The following CSMD3 variants were observed in gnomAD, a reference collection of about 807,000 sequenced individuals.
CSMD3 encodes the protein CUB and Sushi multiple domains 3.
Under a neutral mutation model 435.2 loss-of-function variants are expected in CSMD3, and 177 were observed. That is an observed-to-expected ratio of 0.41 (90% CI 0.36 to 0.46). The LOEUF (loss-of-function observed/expected upper bound fraction) is 0.46, where lower values mean the gene tolerates loss of function less well. Ranked by LOEUF, CSMD3 falls within the 20% of genes least tolerant of loss-of-function variation. The probability of loss-of-function intolerance (pLI) is 0.34; values close to 1 mark genes in which losing one functional copy is unlikely to be tolerated. For missense variants in CSMD3, 4,265 were observed against 4,504.6 expected (o/e 0.95, Z 1.52); for synonymous variants, 1,656 against 1,520.5 (o/e 1.09, Z -2.07).
chr8:113,222,488 A>C (rs928743916), intron 3 of CSMD3, among the ~76,000 whole-genome samples: 4 of 151,080 alleles, frequency 2.6e-5, no homozygotes, highest in Non-Finnish European at 5.9e-5. Flanking sequence ...ATAAATATAA[A>C]GAATAAGATT....
intron 1 of CSMD3, among the ~76,000 whole-genome samples, chr8:113,385,703 T>G (rs1025141974): frequency 6.6e-6 from 1 of 152,072 alleles, no homozygotes; most frequent in Admixed American, 6.6e-5. Context: ...TGGAAGAGGG[T>G]AAAATCTCCT....
chr8:112,462,696 G>A (rs1190533791), intron 32 of CSMD3, among the ~76,000 whole-genome samples: 2 of 151,510 alleles, frequency 1.3e-5, no homozygotes, highest in East Asian at 3.9e-4. Context: ...TGATACACAC[G>A]TATAAATTAC....
At chr8:112,640,967 G>GAATTATTATTTTAGAATTAATT (rs1563800877) in intron 20 of CSMD3, among the ~76,000 whole-genome samples, 1 of 152,018 alleles carries the variant, frequency 6.6e-6, no homozygotes, top group Non-Finnish European at 1.5e-5. Context: ...AATTATTTTA[G>GAATTATTATTTTAGAATTAATT]AATTTCATTA....
intron 4 of CSMD3, among the ~76,000 whole-genome samples, chr8:113,130,483 C>T (rs2091257498): frequency 6.6e-6 from 1 of 152,118 alleles, no homozygotes; most frequent in Admixed American, 6.6e-5. Context: ...GCTTGCTTCC[C>T]CTTCACCTTC....
chr8:112,349,520 T>C (rs1311802406), intron 40 of CSMD3, among the ~76,000 whole-genome samples: 1 of 152,034 alleles, frequency 6.6e-6, no homozygotes, highest in Non-Finnish European at 1.5e-5. Flanking sequence ...GAAAAAAACA[T>C]ATTTATTTTA....
In CSMD3 at chr8:112,472,670, A is replaced by G. The variant is rs745569966; in HGVS notation, c.5316T>C (p.Thr1772=). The G allele has an allele frequency of 6.2e-7, 1 of 1,612,188 alleles. No homozygotes were observed. The highest frequency in any genetic ancestry group is 8.5e-7 in the Non-Finnish European group (1 of 1,178,416). The part of the protein sequence containing the change: ...CGSRSTGSEG[T]VLSPNYPKNY... The stretch of plus-strand genomic sequence containing the variant: ...TTTTTGGATAGTTTGGTGATAGAAC[A>G]GTGCCTTCTGAACCTGTTGAACGAC... Residue 1772 remains threonine (T), a synonymous_variant, in exon 32 of 71, where the codon ACT becomes ACC. Transcript: ENST00000297405.
chr8:112,823,058 G>T (rs75899672), intron 12 of CSMD3, among the ~76,000 whole-genome samples: 1 of 152,114 alleles, frequency 6.6e-6, no homozygotes, highest in Non-Finnish European at 1.5e-5. Flanking sequence ...GAGGATTTTT[G>T]CATTGATGTT....
At chr8:113,152,483 C>CA (rs1238625905) in intron 4 of CSMD3, among the ~76,000 whole-genome samples, 2 of 151,780 alleles carry the variant, frequency 1.3e-5, no homozygotes, top group Non-Finnish European at 2.9e-5. Flanking sequence ...TGTAGTGCTG[C>CA]AAAAAAAGTT....
chr8:113,398,320 AG>A (rs141467184), intron 1 of CSMD3, among the ~76,000 whole-genome samples: 8,285 of 152,280 alleles, frequency 0.054, 328 homozygotes, highest in Middle Eastern at 0.12. Context: ...CTCCACTGAC[AG>A]GAAATGACAC....
intron 38 of CSMD3, among the ~76,000 whole-genome samples, chr8:112,373,867 A>C (rs761129100): frequency 6.6e-6 from 1 of 152,112 alleles, no homozygotes; most frequent in African/African-American, 2.4e-5. Flanking sequence ...CCAGTGTGCA[A>C]CTGAGTGAAT....
In CSMD3 at chr8:113,234,401, G is replaced by C. The variant is rs534719582; in HGVS notation, c.514+44191C>G. 2.0e-5 allele frequency among the ~76,000 whole-genome samples: 3 copies of C among 152,170 alleles called. No homozygotes were observed. The South Asian group carries it at 6.2e-4, about 32-fold the overall frequency. The stretch of plus-strand genomic sequence containing the variant: ...AGATATCAACCCATGCCCTTTAGAA[G>C]CCCAGACTTAACCAGCTGAACAAAA... On this transcript the variant is annotated intron_variant, in intron 3 of 70. Transcript: ENST00000297405.
rs577675421 is a variant in CSMD3 at position 112,397,405 on chromosome 8, T to C, written c.5810-6617A>G. ...AAGGTAATATGTCTTTTTCATGTGA[T>C]CTTGGCAGAAAATACAAGTCATATG... is the stretch of plus-strand genomic sequence containing the variant. On this transcript the variant is annotated intron_variant, in intron 35 of 70. Coordinates refer to ENST00000297405, the MANE Select transcript of CSMD3 (RefSeq NM_198123.2). Among the ~76,000 whole-genome samples the C allele has an allele frequency of 1.2e-3, 184 of 152,284 alleles. 1 individual carries two copies. Among genetic ancestry groups the C allele is most frequent in the African/African-American group, 4.2e-3 (176 of 41,566 alleles).
chr8:112,766,331 T>A (rs2077978505), intron 13 of CSMD3, among the ~76,000 whole-genome samples: 1 of 151,512 alleles, frequency 6.6e-6, no homozygotes, highest in Non-Finnish European at 1.5e-5. Flanking sequence ...AGTTGGAATG[T>A]CAGATGTAGC....
chr8:113,315,978 C>T (rs187969959), intron 1 of CSMD3, among the ~76,000 whole-genome samples: 5 of 152,096 alleles, frequency 3.3e-5, no homozygotes, highest in African/African-American at 7.2e-5. Flanking sequence ...CTCAGTTTCC[C>T]GAAGTGCTGA....
intron 32 of CSMD3, among the ~76,000 whole-genome samples, chr8:112,449,614 T>C (rs765941260): frequency 6.6e-6 from 1 of 152,224 alleles, no homozygotes; most frequent in Non-Finnish European, 1.5e-5. Flanking sequence ...AATCATATCA[T>C]GTACAACATT....
chr8:113,390,012 A>G (rs768086111), intron 1 of CSMD3, among the ~76,000 whole-genome samples: 5 of 151,766 alleles, frequency 3.3e-5, no homozygotes, highest in African/African-American at 9.7e-5. Flanking sequence ...CTCCATTGTT[A>G]TACTGCATTG....
intron 5 of CSMD3, among the ~76,000 whole-genome samples, chr8:113,047,856 A>G (rs556197734): frequency 6.6e-6 from 1 of 152,332 alleles, no homozygotes; most frequent in African/African-American, 2.4e-5. Context: ...AGTGGCAAGC[A>G]TAATCAAATA....
intron 1 of CSMD3, among the ~76,000 whole-genome samples, chr8:113,396,637 T>C (rs930317235): frequency 1.3e-5 from 2 of 152,190 alleles, no homozygotes; most frequent in African/African-American, 4.8e-5. Flanking sequence ...TATGTCTTTA[T>C]ATCTCAGTAC....
intron 13 of CSMD3, among the ~76,000 whole-genome samples, chr8:112,749,424 G>A (rs1441262065): frequency 6.6e-6 from 1 of 152,032 alleles, no homozygotes; most frequent in Non-Finnish European, 1.5e-5. Context: ...CCGTTCCTAT[G>A]TCCAGGATGG....
Sources: allele counts gnomAD v4.1 joint callset (sites outside exome capture counted in the v4.1 genomes callset), GRCh38; gene constraint gnomAD v4.1.1; transcripts MANE v1.5; gene names NCBI Gene and HGNC (gene_info 2026-07-23, HGNC 2026-07-21).